Variants in ANKS1B observed in about 807,000 individuals in gnomAD.
The protein encoded by ANKS1B is ankyrin repeat and sterile alpha motif domain-containing protein 1B.
ANKS1B carries 36 observed loss-of-function variants against 148.3 expected under a neutral mutation model. The observed-to-expected ratio is 0.24, with a 90% CI of 0.19 to 0.32. The LOEUF is 0.32. Among genes scored for constraint, ANKS1B ranks in the 10% least tolerant of loss-of-function variants. The probability of loss-of-function intolerance (pLI) is 1.00; values close to 1 mark genes in which losing one functional copy is unlikely to be tolerated. For synonymous variants in ANKS1B, 542 were observed against 560.8 expected (o/e 0.97, Z 0.47); for missense variants, 1,157 against 1,542.6 (o/e 0.75, Z 4.19).
chr12:99,015,000 A>C (rs1306533868), intron 17 of ANKS1B, among the ~76,000 whole-genome samples: 3 of 152,228 alleles, frequency 2.0e-5, no homozygotes, highest in Non-Finnish European at 4.4e-5. Flanking sequence ...CACTCAACCC[A>C]GCAATCCCAC....
intron 25 of ANKS1B, among the ~76,000 whole-genome samples, chr12:98,760,295 T>C (rs568627275): frequency 3.2e-4 from 49 of 152,268 alleles, no homozygotes; most frequent in Non-Finnish European, 4.1e-4. Context: ...GACAGGGTCT[T>C]GCTCTGTTGT....
At chr12:99,972,209 T>C (rs1260868788) in intron 1 of ANKS1B, among the ~76,000 whole-genome samples, 5 of 152,096 alleles carry the variant, frequency 3.3e-5, no homozygotes, top group Admixed American at 6.5e-5. Context: ...CTATAAGTGT[T>C]CAAGTGAAAG....
intron 8 of ANKS1B, among the ~76,000 whole-genome samples, chr12:99,761,815 G>C (rs952706987): frequency 1.9e-4 from 29 of 152,108 alleles, no homozygotes; most frequent in African/African-American, 6.3e-4. Context: ...CCAACAAAAA[G>C]CTGTTGAAAC....
intron 12 of ANKS1B, among the ~76,000 whole-genome samples, chr12:99,327,302 T>C (rs1478648134): frequency 5.0e-5 from 6 of 118,948 alleles, no homozygotes; most frequent in Non-Finnish European, 9.6e-5. Context: ...ATAAAATATG[T>C]AATTATATAT....
intron 9 of ANKS1B, among the ~76,000 whole-genome samples, chr12:99,521,667 G>C (rs1489971575): frequency 6.6e-6 from 1 of 152,164 alleles, no homozygotes; most frequent in African/African-American, 2.4e-5. Context: ...ACCAGGCAGA[G>C]ACTCTTGTTC....
rs61381225 is a variant in ANKS1B at position 99,423,930 on chromosome 12, C to T, written c.1575+19743G>A. 4.1e-3 allele frequency among the ~76,000 whole-genome samples: 627 copies of T among 152,094 alleles called. 4 individuals carry two copies. The highest frequency in any genetic ancestry group is 0.013 in the African/African-American group (551 of 41,474). On this transcript the variant is annotated intron_variant, in intron 11 of 26. Coordinates refer to ENST00000683438, the MANE Select transcript of ANKS1B (RefSeq NM_001352186.2). The stretch of plus-strand genomic sequence containing the variant: ...TGATGAAATAATCTGTATAACCCCC[C>T]CACCCCGACACAAGTTTACCTATAT...
At chr12:99,165,370 A>C (rs569511370) in intron 14 of ANKS1B, among the ~76,000 whole-genome samples, 4 of 152,028 alleles carry the variant, frequency 2.6e-5, no homozygotes, top group African/African-American at 9.6e-5. Context: ...CAACTGGTAA[A>C]TCTCTATTCA....
chr12:99,640,611 C>T (rs1170479082), intron 9 of ANKS1B, among the ~76,000 whole-genome samples: 3 of 152,136 alleles, frequency 2.0e-5, no homozygotes, highest in Non-Finnish European at 4.4e-5. Flanking sequence ...ATTAGACTTC[C>T]CAGCCTTCGA....
chr12:99,469,931 G>C (rs144750430), intron 10 of ANKS1B, among the ~76,000 whole-genome samples: 36 of 151,948 alleles, frequency 2.4e-4, no homozygotes, highest in African/African-American at 8.4e-4. Flanking sequence ...ACAAGCCTGG[G>C]CAACATAGGA....
intron 9 of ANKS1B, among the ~76,000 whole-genome samples, chr12:99,612,077 G>A (rs547637643): frequency 6.6e-6 from 1 of 151,960 alleles, no homozygotes; most frequent in Non-Finnish European, 1.5e-5. Context: ...AAAAATAGCA[G>A]CAGTATTTAG....
chr12:98,982,997 CTG>C (rs1473745064), intron 17 of ANKS1B, among the ~76,000 whole-genome samples: 1 of 152,226 alleles, frequency 6.6e-6, no homozygotes, highest in Non-Finnish European at 1.5e-5. Context: ...CTGCCACCAA[CTG>C]TGTGTACAAA....
intron 1 of ANKS1B, among the ~76,000 whole-genome samples, chr12:99,946,149 A>G (rs2095055197): frequency 6.6e-6 from 1 of 152,156 alleles, no homozygotes; most frequent in South Asian, 2.1e-4. Flanking sequence ...TTTTAAAAAG[A>G]CCAGAAAGAG....
At chr12:98,989,633 G>GT (rs775982293) in intron 17 of ANKS1B, among the ~76,000 whole-genome samples, 16 of 152,060 alleles carry the variant, frequency 1.1e-4, no homozygotes, top group Non-Finnish European at 1.0e-4. Context: ...TTTTAGGATT[G>GT]TTTTTTCTGT....
At chr12:99,144,292 G>C (rs2072156657) in intron 15 of ANKS1B, among the ~76,000 whole-genome samples, 1 of 152,022 alleles carries the variant, frequency 6.6e-6, no homozygotes, top group Admixed American at 6.6e-5. Context: ...AAAATGGAAA[G>C]AGTGTAGGGC....
chr12:98,871,091 C>T (rs1034026257), intron 17 of ANKS1B, among the ~76,000 whole-genome samples: 1 of 152,072 alleles, frequency 6.6e-6, no homozygotes, highest in African/African-American at 2.4e-5. Context: ...TTTCATTTTT[C>T]CTTAAGAATG....
chr12:98,741,070 T>C (rs1013559213), downstream of ANKS1B, among the ~76,000 whole-genome samples: 1 of 152,188 alleles, frequency 6.6e-6, no homozygotes, highest in Admixed American at 6.5e-5. Context: ...TCTCTGAAGT[T>C]CATGTTACAT....
intron 17 of ANKS1B, among the ~76,000 whole-genome samples, chr12:98,990,337 A>AT (rs141095928): frequency 9.8e-4 from 147 of 149,628 alleles, no homozygotes; most frequent in African/African-American, 3.0e-3. Flanking sequence ...AACGCTACTG[A>AT]TTTTTTTTTT....
At chr12:98,895,330 G>A in intron 17 of ANKS1B, 1 of 984,456 alleles carries the variant, frequency 1.0e-6, no homozygotes, top group Non-Finnish European at 1.2e-6. Flanking sequence ...CGCGCACTCC[G>A]GGAGGCCGCC....
intron 16 of ANKS1B, among the ~76,000 whole-genome samples, chr12:99,071,796 G>A (rs977382137): frequency 2.6e-5 from 4 of 151,932 alleles, no homozygotes; most frequent in African/African-American, 7.3e-5. Context: ...TAAGGTGCGC[G>A]CCACCATGCC....
Sources: gnomAD v4.1 joint callset for allele counts (sites outside exome capture counted in the v4.1 genomes callset) on GRCh38, gnomAD v4.1.1 for gene constraint, MANE v1.5 for transcripts, NCBI Gene and HGNC (gene_info 2026-07-23, HGNC 2026-07-21) for gene names.